STAB1: variants seen among roughly 807,000 people sequenced by gnomAD.
STAB1 encodes the protein stabilin-1.
A neutral mutation model predicts 332.4 loss-of-function variants in STAB1; 250 were observed. The ratio of observed to expected loss-of-function variants is 0.75; its 90% confidence interval spans 0.68 to 0.84. The LOEUF (loss-of-function observed/expected upper bound fraction) is 0.84. STAB1 is among the 40% of genes least tolerant of loss of function. STAB1 has a pLI of 0.00. For synonymous variants in STAB1, 1,475 were observed against 1,390.4 expected (o/e 1.06, Z -1.35); for missense variants, 3,249 against 3,489.7 (o/e 0.93, Z 1.74).
intron 5 of STAB1, among the ~76,000 whole-genome samples, 162 bp downstream of exon 5, chr3:52,502,390 C>T (rs1708517654): frequency 6.6e-6 from 1 of 152,230 alleles, no homozygotes. Flanking sequence ...ATCACACCTC[C>T]AGCCCTTTGC....
In STAB1 at chr3:52,518,302, G is replaced by GC. The variant is rs753921792; in HGVS notation, c.4762-3dup. On this transcript the variant is annotated splice_polypyrimidine_tract_variant and intron_variant, in intron 45 of 68. Coordinates refer to ENST00000321725, the MANE Select transcript of STAB1 (RefSeq NM_015136.3). The stretch of plus-strand genomic sequence containing the variant: ...CCGCCCCAAATCTGAGCTGACCCTC[G>GC]CCCCCCCAGGAGCTCCTGAGGGATA... 4.8e-5 allele frequency: 78 copies of GC among 1,612,094 alleles called. No homozygotes were observed. The highest frequency in any genetic ancestry group is 1.0e-4 in the Admixed American group (6 of 59,960).
At position 52,495,357 on chromosome 3, in the gene STAB1, C is replaced by T. The variant is rs1707925815; in HGVS notation, c.-57C>T. 1 of 1,258,674 alleles carries T rather than the reference C, an allele frequency of 7.9e-7. No homozygotes were observed. The allele number at this position is 1,258,674 out of a possible 1,614,324, so 78.0% of individuals were successfully genotyped here. On this transcript the variant is annotated 5_prime_UTR_variant, in exon 1 of 69. Transcript: ENST00000321725. The stretch of plus-strand genomic sequence containing the variant: ...TCCCGCCTGCCTGTGCTGTGCCTGC[C>T]TCCTAGAGCTCATTCCCTACGCCCC...
At chr3:52,514,242 G>C in intron 33 of STAB1, 29 bp downstream of exon 33, 10 of 1,611,430 alleles carry the variant, frequency 6.2e-6, no homozygotes, top group Non-Finnish European at 8.5e-6. Context: ...GGCAATGGCA[G>C]GGAGGGCAAA....
At chr3:52,510,575 C>A in intron 25 of STAB1, 68 bp downstream of exon 25, 1 of 1,543,880 alleles carries the variant, frequency 6.5e-7, no homozygotes, top group Non-Finnish European at 8.7e-7. Flanking sequence ...CCATCTGACT[C>A]CTGGAATGCA....
intron 38 of STAB1, 35 bp from the exon 39 acceptor site, chr3:52,516,320 AC>A: frequency 6.2e-7 from 1 of 1,605,552 alleles, no homozygotes; most frequent in South Asian, 1.1e-5. Context: ...GGATGGAGGC[AC>A]TGGGCAACTC....
chr3:52,516,266 G>GGGGGGGCC, intron 38 of STAB1, 28 bp downstream of exon 38: 4 of 794,242 alleles, frequency 5.0e-6, no homozygotes, highest in Non-Finnish European at 8.8e-6. Context: ...GCGGGGGTGG[G>GGGGGGGCC]CCTCCTGGCA....
chr3:52,516,405 A>G lies in STAB1; in HGVS notation c.4194A>G (p.Gly1398=). The G allele has an allele frequency of 6.2e-7, 1 of 1,611,102 alleles. No individual in the cohort carries two copies. The highest frequency in any genetic ancestry group is 8.5e-7 in the Non-Finnish European group (1 of 1,178,068). ...GCCAGGAGGGGCTGCAAGGGGACGG[A>G]AGCTGTGTCTGTAACGTGGGCTGGC... The part of the protein sequence containing the change: ...GLCQEGLQGD[G]SCVCNVGWQG... The change falls in exon 39 of 69, where the codon GGA becomes GGG. Residue 1398 remains glycine, a synonymous_variant. Transcript: ENST00000321725.
Position 52,503,798 on chromosome 3 carries a change from G to C in STAB1, c.918G>C (p.Leu306=). ...GQAFCTCRPG[L]VSINSNASAG... is the part of the protein sequence containing the mutation. ...CCTTCTGCACCTGCCGGCCAGGCCT[G>C]GTCAGCATCAACAGCAACGCTTCTG... The change falls in exon 9 of 69, where the codon CTG becomes CTC. Residue 306 remains leucine, a synonymous_variant. Transcript: ENST00000321725. 6.2e-7 allele frequency: 1 copy of C among 1,613,196 alleles called. No individual in the cohort carries two copies. Among genetic ancestry groups the C allele is most frequent in the African/African-American group, 1.3e-5 (1 of 75,062 alleles).
intron 45 of STAB1, 91 bp downstream of exon 45, chr3:52,518,094 G>A: frequency 6.5e-7 from 1 of 1,530,454 alleles, no homozygotes; most frequent in Non-Finnish European, 8.7e-7. Context: ...ATTTGATCCT[G>A]ATTCTGGCCC....
Position 52,515,978 on chromosome 3 carries a change from G to A in STAB1, c.3949-65G>A, listed in dbSNP as rs534046560. 1.0e-4 allele frequency: 149 copies of A among 1,481,880 alleles called. No individual in the cohort carries two copies. In the African/African-American group the frequency reaches 1.5e-3, roughly 15 times the overall value. The allele number at this position is 1,481,880 out of a possible 1,614,324, so 91.8% of individuals were successfully genotyped here. A position where few individuals can be genotyped will look rare whatever the true frequency, so the allele number is the denominator to read the frequency against. ...GGCTCTGTGGCCCCGAGATGCCCCC[G>A]TTCCCCTTCCCCCTGACACCTTGCT... On this transcript the variant is annotated intron_variant, in intron 37 of 68. Transcript: ENST00000321725.
chr3:52,521,240 G>T, intron 55 of STAB1, 121 bp from the exon 56 acceptor site: 2 of 1,405,072 alleles, frequency 1.4e-6, no homozygotes, highest in Non-Finnish European at 2.0e-6. Flanking sequence ...GGGCCTGGAG[G>T]GATCTTAGCA....
At chr3:52,516,890 CCT>C in intron 41 of STAB1, 92 bp from the exon 42 acceptor site, 1 of 1,599,252 alleles carries the variant, frequency 6.3e-7, no homozygotes, top group Non-Finnish European at 8.5e-7. Flanking sequence ...CTCACCCTTC[CCT>C]CTGACCTTTT....
intron 14 of STAB1, 121 bp downstream of exon 14, chr3:52,505,502 G>T: frequency 3.2e-6 from 4 of 1,232,580 alleles, no homozygotes; most frequent in Non-Finnish European, 4.6e-6. Flanking sequence ...CTCTGCCCAT[G>T]CCCCCGTCCT....
In STAB1 at chr3:52,515,977, C is replaced by T. The variant is rs930387597; in HGVS notation, c.3949-66C>T. On this transcript the variant is annotated intron_variant, in intron 37 of 68. Coordinates refer to ENST00000321725, the MANE Select transcript of STAB1 (RefSeq NM_015136.3). ...TGGCTCTGTGGCCCCGAGATGCCCC[C>T]GTTCCCCTTCCCCCTGACACCTTGC... The T allele has an allele frequency of 3.1e-5, 46 of 1,483,644 alleles. No individual in the cohort carries two copies. The African/African-American group carries it at 5.1e-4, about 16-fold the overall frequency. The allele number at this position is 1,483,644 out of a possible 1,614,324, so 91.9% of individuals were successfully genotyped here.
chr3:52,522,187 G>T lies in STAB1; in HGVS notation c.6422G>T (p.Arg2141Leu), dbSNP rs769523493. The change falls in exon 59 of 69, where the codon CGC (arginine) becomes CTC (leucine). Residue 2141 changes from arginine (R) to leucine (L), a missense_variant. Coordinates refer to ENST00000321725, the MANE Select transcript of STAB1 (RefSeq NM_015136.3). ...RARNPCTDGH[R>L]GGCSEHANCL... The stretch of plus-strand genomic sequence containing the variant: ...CGCAACCCCTGCACAGATGGCCACC[G>T]CGGGGGCTGCAGCGAGCACGCCAAC... 1.2e-6 allele frequency: 2 copies of T among 1,612,522 alleles called. No homozygotes were observed. Among genetic ancestry groups the T allele is most frequent in the African/African-American group, 1.3e-5 (1 of 74,882 alleles).
chr3:52,501,803 T>C, intron 3 of STAB1, 50 bp downstream of exon 3: 1 of 1,524,598 alleles, frequency 6.6e-7, no homozygotes, highest in Non-Finnish European at 8.9e-7. Context: ...CAGCCCCAGC[T>C]CTGGGCAAGC....
At chr3:52,503,222 A>G (rs1708582793) in intron 7 of STAB1, 113 bp downstream of exon 7, 2 of 1,492,458 alleles carry the variant, frequency 1.3e-6, no homozygotes, top group African/African-American at 1.4e-5. Flanking sequence ...AGCCATTCCT[A>G]AGGGGAGCCT....
chr3:52,502,845 G>A, intron 6 of STAB1, 118 bp downstream of exon 6: 1 of 1,276,704 alleles, frequency 7.8e-7, no homozygotes, highest in Non-Finnish European at 1.1e-6. Context: ...GAGCCTAGTT[G>A]GGGAAGGGGT....
Position 52,503,332 on chromosome 3 carries a change from C to A in STAB1, c.695-12C>A. On this transcript the variant is annotated splice_polypyrimidine_tract_variant and intron_variant, in intron 7 of 68. Transcript: ENST00000321725. Reference sequence around the variant, plus strand: ...TGCTTGGCTCACTTGGGCTCTCTCTCTGCCCTGGCAGCCCCCAACCCCTGC... The same window carrying A: ...TGCTTGGCTCACTTGGGCTCTCTCTATGCCCTGGCAGCCCCCAACCCCTGC... The A allele has an allele frequency of 2.5e-6, 4 of 1,601,606 alleles. No individual in the cohort carries two copies. The highest frequency in any genetic ancestry group is 2.6e-6 in the Non-Finnish European group (3 of 1,172,946).
Sources: gnomAD v4.1 joint callset for allele counts (sites outside exome capture counted in the v4.1 genomes callset) on GRCh38, gnomAD v4.1.1 for gene constraint, MANE v1.5 for transcripts, NCBI Gene and HGNC (gene_info 2026-07-23, HGNC 2026-07-21) for gene names.